DNMT3A: variants seen among roughly 807,000 people sequenced by gnomAD.
DNMT3A encodes the protein DNA (cytosine-5)-methyltransferase 3A.
DNMT3A carries 267 observed loss-of-function variants against 117.6 expected under a neutral mutation model. That is an observed-to-expected ratio of 2.27 (90% confidence interval 2.05 to 2.51). DNMT3A has a LOEUF of 2.51. Among genes scored for constraint, DNMT3A ranks in the 30% most tolerant of loss-of-function variants. The pLI, the probability that DNMT3A is intolerant of heterozygous loss-of-function variation, is 0.00. For missense variants in DNMT3A, 1,029 were observed against 1,260.2 expected, an observed-to-expected ratio of 0.82 and a Z score of 2.78; for synonymous variants, 432 against 474.8, an observed-to-expected ratio of 0.91 and a Z score of 1.17.
At chr2:25,238,276 G>A (rs759582886) in intron 20 of DNMT3A, among the ~76,000 whole-genome samples, 25 of 152,096 alleles carry the variant, frequency 1.6e-4, no homozygotes, top group African/African-American at 4.6e-4. Context: ...ACAAGCCCTC[G>A]ATAGCAACTC....
Position 25,241,709 on chromosome 2 carries a change from T to C in DNMT3A, c.1937-2A>G, listed in dbSNP as rs770305758. 1.9e-6 allele frequency: 3 copies of C among 1,613,262 alleles called. No individual in the cohort carries two copies. Among genetic ancestry groups the C allele is most frequent in the Non-Finnish European group, 2.5e-6 (3 of 1,179,756 alleles). ...CCAAGTCCTTCAGCACCAGGAGCCC[T>C]GCACCAGCCAGCAGACAGCACCGTT... is the stretch of plus-strand genomic sequence containing the variant. On this transcript the variant is annotated splice_acceptor_variant, in intron 16 of 22. Coordinates refer to ENST00000321117, the MANE Select transcript of DNMT3A (RefSeq NM_022552.5). LOFTEE classifies it high-confidence loss of function.
At chr2:25,308,871 G>C (rs1217115660) in intron 2 of DNMT3A, among the ~76,000 whole-genome samples, 1 of 152,116 alleles carries the variant, frequency 6.6e-6, no homozygotes, top group Non-Finnish European at 1.5e-5. Context: ...AGAGTGGAGA[G>C]AGCCCACGAG....
chr2:25,282,270 C>T lies in DNMT3A; in HGVS notation c.448+171G>A. On this transcript the variant is annotated intron_variant, in intron 4 of 22. Coordinates refer to ENST00000321117, the MANE Select transcript of DNMT3A (RefSeq NM_022552.5). The surrounding 1 kb of genome is among the most constrained non-coding windows in gnomAD (Gnocchi z 5.2). ...AAAACACTCTATGGGCCAAATAAAA[C>T]ATATGCGCAGGCTGCATCCAGCCAG... The T allele has an allele frequency of 2.1e-6, 3 of 1,413,412 alleles. No homozygotes were observed. The highest frequency in any genetic ancestry group is 2.8e-6 in the Non-Finnish European group (3 of 1,085,166). 87.6% of individuals were successfully genotyped at this position (1,413,412 alleles called of 1,614,324 possible).
chr2:25,252,004 G>T lies in DNMT3A; in HGVS notation c.640-3752C>A. On this transcript the variant is annotated intron_variant, in intron 6 of 22. Coordinates refer to ENST00000321117, the MANE Select transcript of DNMT3A (RefSeq NM_022552.5). This position sits in a 1 kb window ranked among gnomAD's most constrained non-coding sequence, Gnocchi z 5.5. ...CGAGGAGTGGGGCCTTGGGGCTCGTGGGCAGGAAGGCGGCGGGCCAGCACT... is the reference window on the plus strand; with the variant it reads ...CGAGGAGTGGGGCCTTGGGGCTCGTTGGCAGGAAGGCGGCGGGCCAGCACT... 1.5e-6 allele frequency: 1 copy of T among 665,846 alleles called. No homozygotes were observed. The highest frequency in any genetic ancestry group is 2.4e-6 in the Non-Finnish European group (1 of 423,098). The allele number at this position is 665,846 out of a possible 1,614,324, so 41.2% of individuals were successfully genotyped here.
rs1371303789 is a variant in DNMT3A at position 25,236,080 on chromosome 2, T to C, written c.2479-255A>G. Among the ~76,000 whole-genome samples the C allele has an allele frequency of 6.6e-6, 1 of 151,934 alleles. No individual in the cohort carries two copies. The highest frequency in any genetic ancestry group is 1.5e-5 in the Non-Finnish European group (1 of 67,948). On this transcript the variant is annotated intron_variant, in intron 21 of 22. Coordinates refer to ENST00000321117, the MANE Select transcript of DNMT3A (RefSeq NM_022552.5). The surrounding 1 kb of genome is among the most constrained non-coding windows in gnomAD (Gnocchi z 4.5). ...TCTAGCCACAGACTTTTTTTTTTTT[T>C]TTTGAGACGGAGTCTCGCTCTGTCA...
chr2:25,319,110 G>T (rs1441406296), intron 1 of DNMT3A, among the ~76,000 whole-genome samples: 1 of 150,518 alleles, frequency 6.6e-6, no homozygotes, highest in Non-Finnish European at 1.5e-5. Context: ...CACCTCCCGG[G>T]TTCATGCCAT....
chr2:25,308,159 TGTAGGTAGGTAG>T (rs370052940), intron 2 of DNMT3A, among the ~76,000 whole-genome samples: 1 of 151,944 alleles, frequency 6.6e-6, no homozygotes. Context: ...ACCACAAAGG[TGTAGGTAGGTAG>T]GTAGGTAGGC....
chr2:25,340,513 C>A (rs2035378395), intron 1 of DNMT3A, among the ~76,000 whole-genome samples: 1 of 151,802 alleles, frequency 6.6e-6, no homozygotes, highest in African/African-American at 2.4e-5. Flanking sequence ...CGGTCCGCGC[C>A]GAAGGGGAGG....
rs1204478457 is a variant in DNMT3A at position 25,247,667 on chromosome 2, C to T, written c.938G>A (p.Trp313Ter). ...FSWWPGRIVS[W>*]WMTGRSRAAE... The stretch of plus-strand genomic sequence containing the variant: ...TGCTCGGCTCCGGCCCGTCATCCAC[C>T]AAGACACAATGCGGCCTGGCCACCA... Residue 313 changes from tryptophan (W) to a stop codon, truncating the protein, a stop_gained, in exon 8 of 23, where the codon TGG becomes TAG. Transcript: ENST00000321117. LOFTEE classifies it high-confidence loss of function. This position sits in a 1 kb window ranked among gnomAD's most constrained non-coding sequence, Gnocchi z 5.6. 6.2e-7 allele frequency: 1 copy of T among 1,614,016 alleles called. No individual in the cohort carries two copies. The highest frequency in any genetic ancestry group is 8.5e-7 in the Non-Finnish European group (1 of 1,180,022).
intron 3 of DNMT3A, among the ~76,000 whole-genome samples, chr2:25,295,293 G>A (rs1358301778): frequency 6.6e-6 from 1 of 152,178 alleles, no homozygotes; most frequent in African/African-American, 2.4e-5. Flanking sequence ...TGGCCAGCCC[G>A]CAGGCCCTGG....
chr2:25,231,405 C>T lies in DNMT3A; in HGVS notation c.*2874G>A, dbSNP rs1006290488. ...AGCAACTGGGCATGATCTTAAACAC[C>T]AATCTGTCGAGGAGACAGTAGATTG... On this transcript the variant is annotated 3_prime_UTR_variant, in exon 23 of 23. Transcript: ENST00000321117. 7 of 152,216 alleles carry T rather than the reference C, an allele frequency of 4.6e-5. No homozygotes were observed. The highest frequency in any genetic ancestry group is 1.7e-4 in the African/African-American group (7 of 41,448). The allele number at this position is 152,216 out of a possible 1,614,324, so 9.4% of individuals were successfully genotyped here. A position where few individuals can be genotyped will look rare whatever the true frequency, so the allele number is the denominator to read the frequency against.
intron 1 of DNMT3A, among the ~76,000 whole-genome samples, chr2:25,341,310 C>T (rs1302451838): frequency 2.8e-5 from 4 of 145,150 alleles, no homozygotes; most frequent in East Asian, 2.0e-4. Context: ...CTCCCCCGCT[C>T]CCCCGGGCCG....
Position 25,240,663 on chromosome 2 carries a change from T to C in DNMT3A, c.2150A>G (p.Asn717Ser). The C allele has an allele frequency of 6.2e-7, 1 of 1,614,040 alleles. No individual in the cohort carries two copies. Among genetic ancestry groups the C allele is most frequent in the Non-Finnish European group, 8.5e-7 (1 of 1,179,976 alleles). ...ACCGTAGAGGCCCTTGCGAGCAGGG[T>C]TGACGATGGAGAGGTCATTGCAGGG... The part of the protein sequence containing the change: ...GSPCNDLSIV[N>S]PARKGLYEGT... Residue 717 changes from asparagine to serine, a missense_variant, in exon 18 of 23, where the codon AAC becomes AGC. By Grantham distance (46) the Asn-to-Ser change is conservative (BLOSUM62 1). Transcript: ENST00000321117.
intron 1 of DNMT3A, among the ~76,000 whole-genome samples, chr2:25,335,176 AAC>A (rs1209634280): frequency 1.3e-5 from 2 of 152,196 alleles, no homozygotes; most frequent in Non-Finnish European, 2.9e-5. Context: ...ATGGGGATCT[AAC>A]ACATCAGAAC....
In DNMT3A at chr2:25,234,222, T is replaced by C; in HGVS notation, c.*57A>G. 1.9e-6 allele frequency: 3 copies of C among 1,565,284 alleles called. No homozygotes were observed. Among genetic ancestry groups the C allele is most frequent in the Non-Finnish European group, 2.6e-6 (3 of 1,149,782 alleles). The stretch of plus-strand genomic sequence containing the variant: ...GTTCTTGGTGTTTTATTATGTTTTG[T>C]GTTTTTTGTTTGTTTGTTTAACTTT... On this transcript the variant is annotated 3_prime_UTR_variant, in exon 23 of 23. Transcript: ENST00000321117. This position sits in a 1 kb window ranked among gnomAD's most constrained non-coding sequence, Gnocchi z 4.5.
In DNMT3A at chr2:25,314,402, G is replaced by C. The variant is rs566213856; in HGVS notation, c.-177-241C>G. 1.7e-5 allele frequency: 17 copies of C among 985,252 alleles called. No homozygotes were observed. In the South Asian group the frequency reaches 8.0e-4, roughly 46 times the overall value. The allele number at this position is 985,252 out of a possible 1,614,324, so 61.0% of individuals were successfully genotyped here. ...CCCCTCCGTGTCGCTGCGGCCAATGGGTGCCACTTCTGGGACCTCCAGCTG... is the reference window on the plus strand; with the variant it reads ...CCCCTCCGTGTCGCTGCGGCCAATGCGTGCCACTTCTGGGACCTCCAGCTG... On this transcript the variant is annotated intron_variant, in intron 1 of 22. Coordinates refer to ENST00000321117, the MANE Select transcript of DNMT3A (RefSeq NM_022552.5).
At chr2:25,264,131 G>GGTTTT (rs2029953444) in intron 6 of DNMT3A, among the ~76,000 whole-genome samples, 2 of 62,698 alleles carry the variant, frequency 3.2e-5, no homozygotes, top group Non-Finnish European at 7.2e-5. Flanking sequence ...ACAACCCTTT[G>GGTTTT]GTTTTTTTTT....
chr2:25,313,271 A>G (rs1312751556), intron 2 of DNMT3A, among the ~76,000 whole-genome samples: 5 of 151,538 alleles, frequency 3.3e-5, no homozygotes, highest in African/African-American at 1.2e-4. Flanking sequence ...GCCACCCCCA[A>G]CTAGATTCTG....
At chr2:25,278,042 C>CACACACACACACACACACACACACAG (rs150400657) in intron 4 of DNMT3A, among the ~76,000 whole-genome samples, 1 of 146,294 alleles carries the variant, frequency 6.8e-6, no homozygotes, top group African/African-American at 2.6e-5. Context: ...CACACACAGA[C>CACACACACACACACACACACACACAG]ACACACGCTT....
Sources: gnomAD v4.1 joint callset for allele counts (sites outside exome capture counted in the v4.1 genomes callset) on GRCh38, gnomAD v4.1.1 for gene constraint, Gnocchi (gnomAD v3.1) non-coding constraint, MANE v1.5 for transcripts, NCBI Gene and HGNC (gene_info 2026-07-23, HGNC 2026-07-21) for gene names.